Variants in ADAMTSL1 observed in about 807,000 individuals in gnomAD.
ADAMTSL1 encodes the protein ADAMTS like 1, also known as ADAMTS-like protein 1.
A neutral mutation model predicts 201.8 loss-of-function variants in ADAMTSL1; 126 were observed. That is an observed-to-expected ratio of 0.62 (90% CI 0.54 to 0.72). The LOEUF is 0.72. ADAMTSL1 is among the 30% of genes least tolerant of loss of function. ADAMTSL1 has a pLI of 0.00. For synonymous variants in ADAMTSL1, 1,121 were observed against 903.4 expected (o/e 1.24, Z -4.32); for missense variants, 2,679 against 2,277.8 (o/e 1.18, Z -3.59).
intron 2 of ADAMTSL1, among the ~76,000 whole-genome samples, chr9:18,359,823 A>ACCCCCCCCC (rs1563911432): frequency 1.7e-4 from 7 of 42,198 alleles, no homozygotes; most frequent in Admixed American, 3.1e-4. Context: ...CCACCTCCCC[A>ACCCCCCCCC]CCCGCCCCCC....
intron 20 of ADAMTSL1, among the ~76,000 whole-genome samples, chr9:18,804,357 G>C (rs12353154): frequency 0.27 from 40,615 of 152,088 alleles, 5,737 homozygotes; most frequent in African/African-American, 0.33. Context: ...AAATAGAGCT[G>C]ACTATTGGTC....
intron 1 of ADAMTSL1, among the ~76,000 whole-genome samples, chr9:18,145,739 A>C (rs910580702): frequency 6.6e-6 from 1 of 152,196 alleles, no homozygotes; most frequent in Non-Finnish European, 1.5e-5. Context: ...CCATGAAAGA[A>C]AATTTATAAG....
chr9:18,906,808 AGT>A lies in ADAMTSL1; in HGVS notation c.5084_5085del (p.Val1695AlafsTer10). 1 of 1,613,982 alleles carries A rather than the reference AGT, an allele frequency of 6.2e-7. No individual in the cohort carries two copies. Among genetic ancestry groups the A allele is most frequent in the Non-Finnish European group, 8.5e-7 (1 of 1,179,886 alleles). ...TACGGCTTCCAGTCCCGGCGTGTGG[AGT>A]GTGTGCATGCCCGCACCAACAAGGC... is the stretch of plus-strand genomic sequence containing the variant. On this transcript the variant is annotated frameshift_variant, in exon 28 of 29. Transcript: ENST00000380548. LOFTEE classifies it high-confidence loss of function.
intron 2 of ADAMTSL1, among the ~76,000 whole-genome samples, chr9:18,505,638 C>G (rs1823082935): frequency 6.6e-6 from 1 of 152,126 alleles, no homozygotes; most frequent in African/African-American, 2.4e-5. Context: ...GCTGTGTGGT[C>G]TATGACTAGA....
chr9:18,898,590 T>G (rs1198466957), intron 26 of ADAMTSL1, among the ~76,000 whole-genome samples: 1 of 152,032 alleles, frequency 6.6e-6, no homozygotes, highest in East Asian at 1.9e-4. Context: ...AGTTGGAAAA[T>G]CCAGCACCAC....
intron 23 of ADAMTSL1, among the ~76,000 whole-genome samples, chr9:18,839,413 T>A (rs1469920026): frequency 6.6e-6 from 1 of 152,156 alleles, no homozygotes; most frequent in East Asian, 1.9e-4. Flanking sequence ...TGTGCCACAT[T>A]TTCTTAATCC....
chr9:18,429,320 T>C (rs1819377894), intron 2 of ADAMTSL1, among the ~76,000 whole-genome samples: 1 of 152,154 alleles, frequency 6.6e-6, no homozygotes, highest in Admixed American at 6.5e-5. Flanking sequence ...AACCTTACTG[T>C]GATTGCAAAA....
intron 5 of ADAMTSL1, among the ~76,000 whole-genome samples, chr9:18,624,597 G>T (rs1226559010): frequency 6.6e-6 from 1 of 152,116 alleles, no homozygotes; most frequent in African/African-American, 2.4e-5. Flanking sequence ...AATGGTAAAG[G>T]TGCTTCTTTA....
chr9:18,640,828 T>C (rs1355426058), intron 7 of ADAMTSL1, among the ~76,000 whole-genome samples: 1 of 152,048 alleles, frequency 6.6e-6, no homozygotes, highest in Non-Finnish European at 1.5e-5. Flanking sequence ...AGGCCTTTAC[T>C]TTTTCTCATC....
intron 1 of ADAMTSL1, among the ~76,000 whole-genome samples, chr9:17,947,253 T>C (rs945161543): frequency 6.6e-6 from 1 of 151,492 alleles, no homozygotes; most frequent in East Asian, 1.9e-4. Context: ...TTTGTATATA[T>C]ATACAGTTAA....
intron 23 of ADAMTSL1, among the ~76,000 whole-genome samples, chr9:18,867,062 A>C (rs970739814): frequency 6.6e-6 from 1 of 152,234 alleles, no homozygotes; most frequent in Non-Finnish European, 1.5e-5. Flanking sequence ...TCTTGCAAGG[A>C]AAGTTGGAAA....
intron 1 of ADAMTSL1, among the ~76,000 whole-genome samples, chr9:18,484,338 C>T (rs551845517): frequency 5.9e-5 from 9 of 152,200 alleles, no homozygotes; most frequent in South Asian, 4.1e-4. Context: ...GCTGATGTAA[C>T]GGGGTTTCTG....
intron 1 of ADAMTSL1, among the ~76,000 whole-genome samples, chr9:18,145,918 G>A (rs1469907983): frequency 6.6e-6 from 1 of 152,004 alleles, no homozygotes; most frequent in Non-Finnish European, 1.5e-5. Flanking sequence ...AAACAAACAG[G>A]CAAAAACTTG....
rs531041514 is a variant in ADAMTSL1 at position 18,825,173 on chromosome 9, TA to T, written c.3935-1110del. 8.5e-5 allele frequency among the ~76,000 whole-genome samples: 13 copies of T among 152,218 alleles called. No individual in the cohort carries two copies. In the South Asian group the frequency reaches 1.9e-3, roughly 22 times the overall value. ...AACATACTCAGAGCCCAGCCTCCTATAGGATCCTCCTAAAACAGCATCTAGG... is the reference window on the plus strand; with the variant it reads ...AACATACTCAGAGCCCAGCCTCCTATGGATCCTCCTAAAACAGCATCTAGG... On this transcript the variant is annotated intron_variant, in intron 21 of 28. Coordinates refer to ENST00000380548, the MANE Select transcript of ADAMTSL1 (RefSeq NM_001040272.6).
intron 2 of ADAMTSL1, among the ~76,000 whole-genome samples, chr9:18,284,693 A>T (rs75394332): frequency 6.6e-6 from 1 of 152,208 alleles, no homozygotes; most frequent in Non-Finnish European, 1.5e-5. Context: ...ATAAAACTTA[A>T]CTATTATTTC....
chr9:18,278,340 A>C (rs897330086), intron 2 of ADAMTSL1, among the ~76,000 whole-genome samples: 1 of 152,190 alleles, frequency 6.6e-6, no homozygotes. Context: ...GCAGGTCTAG[A>C]GGTAATGAAC....
At chr9:18,291,747 T>TCC (rs1354410845) in intron 2 of ADAMTSL1, among the ~76,000 whole-genome samples, 1 of 99,806 alleles carries the variant, frequency 1.0e-5, no homozygotes, top group African/African-American at 4.0e-5. Flanking sequence ...TCTCTCTCTC[T>TCC]CACACACACA....
chr9:18,640,806 C>G (rs1182354606), intron 7 of ADAMTSL1, among the ~76,000 whole-genome samples: 1 of 152,078 alleles, frequency 6.6e-6, no homozygotes, highest in African/African-American at 2.4e-5. Flanking sequence ...CTTGCTGCCA[C>G]TGCGTTAGCG....
At chr9:18,838,965 G>T (rs1298516954) in intron 23 of ADAMTSL1, among the ~76,000 whole-genome samples, 1 of 149,138 alleles carries the variant, frequency 6.7e-6, no homozygotes, top group Admixed American at 6.7e-5. Flanking sequence ...CTTAGGTGCT[G>T]TTCAAGTATC....
Sources: allele counts gnomAD v4.1 joint callset (sites outside exome capture counted in the v4.1 genomes callset), GRCh38; gene constraint gnomAD v4.1.1; transcripts MANE v1.5; gene names NCBI Gene and HGNC (gene_info 2026-07-23, HGNC 2026-07-21).